Variants in TMOD1 observed in about 807,000 individuals in gnomAD.
TMOD1 encodes tropomodulin-1.
Under a neutral mutation model 40.6 loss-of-function variants are expected in TMOD1, and 17 were observed. The ratio of observed to expected loss-of-function variants is 0.42; its 90% CI spans 0.29 to 0.63. TMOD1 has a LOEUF of 0.63. Among genes scored for constraint, TMOD1 ranks in the 20% least tolerant of loss-of-function variants. TMOD1 has a pLI of 0.22. For missense variants in TMOD1, 391 were observed against 447.6 expected (o/e 0.87, Z 1.14); for synonymous variants, 181 against 175.0 (o/e 1.03, Z -0.27).
chr9:97,515,201 G>GAAAA (rs71369514), intron 1 of TMOD1, among the ~76,000 whole-genome samples: 12 of 141,362 alleles, frequency 8.5e-5, no homozygotes, highest in African/African-American at 2.1e-4. Flanking sequence ...AAACAAAAAT[G>GAAAA]AAAAAAAAAA....
intron 8 of TMOD1, among the ~76,000 whole-genome samples, chr9:97,573,736 T>C (rs1429616544): frequency 6.6e-6 from 1 of 152,116 alleles, no homozygotes; most frequent in Non-Finnish European, 1.5e-5. Context: ...CTAGGGCTGT[T>C]GGAGTGTCCT....
chr9:97,553,922 A>G (rs567521777), intron 4 of TMOD1, among the ~76,000 whole-genome samples: 2 of 152,104 alleles, frequency 1.3e-5, no homozygotes, highest in East Asian at 3.9e-4. Context: ...ATCTTCAAAA[A>G]CTACCCCCAA....
intron 2 of TMOD1, among the ~76,000 whole-genome samples, 189 bp downstream of exon 2, chr9:97,524,497 G>GGTATGT (rs1554753949): frequency 7.0e-6 from 1 of 142,936 alleles, no homozygotes; most frequent in Non-Finnish European, 1.5e-5. Context: ...GAACCAATAG[G>GGTATGT]GTGTGTGTGT....
rs149274523 is a variant in TMOD1, at chr9:97,578,394, C to T, written c.870+9357C>T. ...CTTAAGGCTTACTGTAAGGTGTATG[C>T]ACGTGTTCTATTTTACTCCTTAATG... On this transcript the variant is annotated intron_variant, in intron 8 of 9. Coordinates refer to ENST00000259365, the MANE Select transcript of TMOD1 (RefSeq NM_003275.4). Among the ~76,000 whole-genome samples the T allele has an allele frequency of 1.8e-4, 27 of 152,288 alleles. No homozygotes were observed. The East Asian group carries it at 5.0e-3, about 28-fold the overall frequency.
intron 2 of TMOD1, among the ~76,000 whole-genome samples, chr9:97,542,093 A>G (rs1830283238): frequency 6.6e-6 from 1 of 152,222 alleles, no homozygotes. Context: ...GTTTTCTTCC[A>G]AATGTTTTAT....
At position 97,599,862 on chromosome 9, in the gene TMOD1, T is replaced by C; in HGVS notation, c.*164T>C. On this transcript the variant is annotated 3_prime_UTR_variant, in exon 10 of 10. Coordinates refer to ENST00000259365, the MANE Select transcript of TMOD1 (RefSeq NM_003275.4). Reference sequence around the variant, plus strand: ...GTTGACTAGTGGTTGTAGTTGAAAATTTTATAAAATACCGTTAATGTGAAG... The same window carrying C: ...GTTGACTAGTGGTTGTAGTTGAAAACTTTATAAAATACCGTTAATGTGAAG... 1 of 1,406,188 alleles carries C rather than the reference T, an allele frequency of 7.1e-7. No homozygotes were observed. The highest frequency in any genetic ancestry group is 9.3e-7 in the Non-Finnish European group (1 of 1,072,900). The allele number at this position is 1,406,188 out of a possible 1,614,324, so 87.1% of individuals were successfully genotyped here.
chr9:97,562,882 G>A, intron 5 of TMOD1, 61 bp downstream of exon 5: 2 of 1,362,454 alleles, frequency 1.5e-6, no homozygotes, highest in African/African-American at 3.0e-5. Flanking sequence ...ACTCACTGAT[G>A]TTCTCTGGCT....
In TMOD1 at chr9:97,513,944, C is replaced by A. The variant is rs953139693; in HGVS notation, c.-48-10197C>A. ...GCCAAGGCTGAGTCTGGCCCTGGGGCCTTCAGAGCGTGTGCCCTGGGGCTA... is the reference window on the plus strand; with the variant it reads ...GCCAAGGCTGAGTCTGGCCCTGGGGACTTCAGAGCGTGTGCCCTGGGGCTA... On this transcript the variant is annotated intron_variant, in intron 1 of 9. Transcript: ENST00000259365. The surrounding 1 kb of genome is among the most constrained non-coding windows in gnomAD (Gnocchi z 4.1). The A allele has an allele frequency of 1.3e-5, 2 of 152,330 alleles. No homozygotes were observed. The highest frequency in any genetic ancestry group is 2.4e-5 in the African/African-American group (1 of 41,460). 9.4% of individuals were successfully genotyped at this position (152,330 alleles called of 1,614,324 possible). A position where few individuals can be genotyped will look rare whatever the true frequency, so the allele number is the denominator to read the frequency against.
Position 97,600,036 on chromosome 9 carries a change from G to A in TMOD1, c.*338G>A. Reference sequence around the variant, plus strand: ...ATGGCCTTGCTGTGTGGTGTTTCAAGTGCATTTAAAATGTGTGACACAGAA... The same window carrying A: ...ATGGCCTTGCTGTGTGGTGTTTCAAATGCATTTAAAATGTGTGACACAGAA... On this transcript the variant is annotated 3_prime_UTR_variant, in exon 10 of 10. Coordinates refer to ENST00000259365, the MANE Select transcript of TMOD1 (RefSeq NM_003275.4). The A allele has an allele frequency of 1.8e-6, 2 of 1,088,464 alleles. No homozygotes were observed. The highest frequency in any genetic ancestry group is 5.9e-5 in the East Asian group (1 of 16,922). The allele number at this position is 1,088,464 out of a possible 1,614,324, so 67.4% of individuals were successfully genotyped here.
At chr9:97,503,545 T>C (rs1010848092) in intron 1 of TMOD1, among the ~76,000 whole-genome samples, 2 of 152,192 alleles carry the variant, frequency 1.3e-5, no homozygotes, top group Non-Finnish European at 2.9e-5. Flanking sequence ...TGTATTATCT[T>C]TAATGAGCTA....
Position 97,600,351 on chromosome 9 carries a change from A to G in TMOD1, c.*653A>G, listed in dbSNP as rs1000601603. 3.0e-6 allele frequency: 3 copies of G among 986,168 alleles called. No homozygotes were observed. Among genetic ancestry groups the G allele is most frequent in the South Asian group, 9.4e-5 (2 of 21,302 alleles). The allele number at this position is 986,168 out of a possible 1,614,324, so 61.1% of individuals were successfully genotyped here. A position where few individuals can be genotyped will look rare whatever the true frequency, so the allele number is the denominator to read the frequency against. On this transcript the variant is annotated 3_prime_UTR_variant, in exon 10 of 10. Coordinates refer to ENST00000259365, the MANE Select transcript of TMOD1 (RefSeq NM_003275.4). ...AACCAATGGTGAAATTTCAAGTTTC[A>G]AAAACCAACCTTTCATTACCAATCC...
intron 2 of TMOD1, among the ~76,000 whole-genome samples, chr9:97,526,204 G>A (rs2131223963): frequency 6.6e-6 from 1 of 152,340 alleles, no homozygotes; most frequent in East Asian, 1.9e-4. Context: ...TGGAATGAAT[G>A]AGCTGAGAAA....
chr9:97,580,057 C>A (rs139284742), intron 8 of TMOD1, among the ~76,000 whole-genome samples: 36 of 152,194 alleles, frequency 2.4e-4, no homozygotes, highest in African/African-American at 8.7e-4. Flanking sequence ...AGCAAAGAGT[C>A]ATTTGTGAGC....
rs1826242135 is a variant in TMOD1 at position 97,600,888 on chromosome 9, C to T, written c.*1190C>T. On this transcript the variant is annotated 3_prime_UTR_variant, in exon 10 of 10. Coordinates refer to ENST00000259365, the MANE Select transcript of TMOD1 (RefSeq NM_003275.4). ...CAATGCCCTTGTGCCTTTTAATATA[C>T]CACAGTGCCAGTTAAACTAATATTT... 8.7e-7 allele frequency: 1 copy of T among 1,145,820 alleles called. No homozygotes were observed. The highest frequency in any genetic ancestry group is 1.1e-6 in the Non-Finnish European group (1 of 916,196). 71.0% of individuals were successfully genotyped at this position (1,145,820 alleles called of 1,614,324 possible).
intron 8 of TMOD1, among the ~76,000 whole-genome samples, chr9:97,582,231 T>C (rs1398600874): frequency 5.4e-5 from 8 of 149,076 alleles, no homozygotes; most frequent in Non-Finnish European, 9.0e-5. Context: ...TAGCCAGTTT[T>C]CCCAGCACCA....
intron 8 of TMOD1, among the ~76,000 whole-genome samples, chr9:97,585,337 C>T (rs1825847174): frequency 6.6e-6 from 1 of 151,292 alleles, no homozygotes; most frequent in Non-Finnish European, 1.5e-5. Flanking sequence ...TTGGCCCCCA[C>T]TCTCTTCTGG....
intron 2 of TMOD1, among the ~76,000 whole-genome samples, chr9:97,536,565 TGGA>T (rs1334704176): frequency 6.6e-6 from 1 of 152,130 alleles, no homozygotes; most frequent in Non-Finnish European, 1.5e-5. Context: ...CTAACACTTG[TGGA>T]GGAGACCTGG....
At chr9:97,568,805 C>T in intron 7 of TMOD1, 89 bp from the exon 8 acceptor site, 2 of 1,471,988 alleles carry the variant, frequency 1.4e-6, no homozygotes, top group Non-Finnish European at 1.9e-6. Flanking sequence ...TCCTCCTGTT[C>T]CCCTAGGTGT....
intron 8 of TMOD1, among the ~76,000 whole-genome samples, chr9:97,586,703 C>G (rs552819205): frequency 3.9e-5 from 6 of 152,040 alleles, no homozygotes; most frequent in Non-Finnish European, 7.4e-5. Context: ...GATATAATCT[C>G]GTGGTGCGCC....
Sources: allele counts gnomAD v4.1 joint callset (sites outside exome capture counted in the v4.1 genomes callset), GRCh38; gene constraint gnomAD v4.1.1; non-coding constraint Gnocchi (gnomAD v3.1); transcripts MANE v1.5; gene names NCBI Gene and HGNC (gene_info 2026-07-23, HGNC 2026-07-21).